Variants in TCF12 observed in about 807,000 individuals in gnomAD.
TCF12 encodes transcription factor 12, also known as DNA-binding protein HTF4.
A neutral mutation model predicts 86.0 loss-of-function variants in TCF12; 45 were observed. That is an observed-to-expected ratio of 0.52 (90% CI 0.41 to 0.67). The LOEUF (loss-of-function observed/expected upper bound fraction) is 0.67. TCF12 is among the 30% of genes least tolerant of loss of function. The pLI, the probability that TCF12 is intolerant of heterozygous loss-of-function variation, is 0.00. For missense variants in TCF12, 881 were observed against 859.9 expected, an observed-to-expected ratio of 1.02 and a Z score of -0.31; for synonymous variants, 330 against 299.6, an observed-to-expected ratio of 1.10 and a Z score of -1.05.
intron 3 of TCF12, among the ~76,000 whole-genome samples, chr15:57,023,939 C>G (rs1228863336): frequency 6.6e-6 from 1 of 152,140 alleles, no homozygotes; most frequent in Admixed American, 6.5e-5. Flanking sequence ...TTGCATAGTT[C>G]ACAACAGGGT....
intron 7 of TCF12, among the ~76,000 whole-genome samples, chr15:57,196,082 T>C (rs2057249397): frequency 6.6e-6 from 1 of 152,010 alleles, no homozygotes; most frequent in Non-Finnish European, 1.5e-5. Flanking sequence ...CCCAGCACTT[T>C]GGGAGGCCGA....
chr15:56,993,092 A>AT (rs377353881), intron 3 of TCF12, among the ~76,000 whole-genome samples: 17 of 150,244 alleles, frequency 1.1e-4, no homozygotes, highest in East Asian at 5.9e-4. Context: ...TGAGTTTACC[A>AT]TTTTTTTTTT....
chr15:57,093,077 C>A (rs1405766081), intron 5 of TCF12, among the ~76,000 whole-genome samples: 1 of 152,142 alleles, frequency 6.6e-6, no homozygotes, highest in Admixed American at 6.6e-5. Context: ...AGTGAAAAAA[C>A]TGACACAAGC....
At chr15:57,244,127 C>T (rs1318698308) in intron 13 of TCF12, among the ~76,000 whole-genome samples, 1 of 152,140 alleles carries the variant, frequency 6.6e-6, no homozygotes, top group Non-Finnish European at 1.5e-5. Flanking sequence ...AATCCTCCCA[C>T]CTTGGCCCCC....
intron 3 of TCF12, among the ~76,000 whole-genome samples, chr15:57,012,765 T>C (rs920003392): frequency 1.1e-4 from 17 of 152,174 alleles, no homozygotes; most frequent in Non-Finnish European, 2.2e-4. Flanking sequence ...GGCAATCTGC[T>C]CAGGCAGCCT....
intron 6 of TCF12, among the ~76,000 whole-genome samples, chr15:57,172,369 A>G (rs2055574892): frequency 6.6e-6 from 1 of 152,218 alleles, no homozygotes. Flanking sequence ...GTAGAACAAA[A>G]TTAACTATCG....
intron 8 of TCF12, chr15:57,219,343 A>G (rs1411160338): frequency 6.4e-6 from 8 of 1,250,242 alleles, no homozygotes; most frequent in Admixed American, 7.8e-5. Flanking sequence ...TACTTACAGC[A>G]TAAACCCTCC....
chr15:57,086,472 T>A (rs1478496139), intron 4 of TCF12, among the ~76,000 whole-genome samples: 2 of 151,688 alleles, frequency 1.3e-5, no homozygotes, highest in Non-Finnish European at 2.9e-5. Flanking sequence ...GCTCCAAAAA[T>A]TTCATGTTTA....
chr15:57,208,699 T>C (rs2057972034), intron 8 of TCF12, among the ~76,000 whole-genome samples: 1 of 151,550 alleles, frequency 6.6e-6, no homozygotes, highest in South Asian at 2.1e-4. Context: ...AAGAAAGAAC[T>C]TAAAAAAAAA....
intron 3 of TCF12, among the ~76,000 whole-genome samples, chr15:56,973,410 T>A (rs1281662842): frequency 6.6e-6 from 1 of 152,156 alleles, no homozygotes; most frequent in African/African-American, 2.4e-5. Context: ...CCCACTGGCC[T>A]TATCTGTGCT....
chr15:57,197,152 C>CTATTTTTTTTT (rs2057305603), intron 7 of TCF12, among the ~76,000 whole-genome samples: 1 of 87,260 alleles, frequency 1.1e-5, no homozygotes, highest in Non-Finnish European at 2.1e-5. Flanking sequence ...AGAACAGCTT[C>CTATTTTTTTTT]TTTTTTTTTT....
intron 6 of TCF12, among the ~76,000 whole-genome samples, chr15:57,182,953 A>T (rs1312379215): frequency 6.6e-6 from 1 of 152,130 alleles, no homozygotes; most frequent in African/African-American, 2.4e-5. Flanking sequence ...GTTACTATGG[A>T]AGTCTTGTTG....
At chr15:56,982,362 A>C (rs2062934999) in intron 3 of TCF12, among the ~76,000 whole-genome samples, 1 of 152,220 alleles carries the variant, frequency 6.6e-6, no homozygotes, top group South Asian at 2.1e-4. Flanking sequence ...AAGGTTGAGA[A>C]TTCTTACGCT....
intron 6 of TCF12, among the ~76,000 whole-genome samples, chr15:57,180,853 C>T (rs867217998): frequency 8.0e-5 from 10 of 124,308 alleles, no homozygotes; most frequent in Admixed American, 2.1e-4. Flanking sequence ...CTCGCTCTGT[C>T]GCCCAGGCTG....
chr15:56,978,480 A>C (rs567152980), intron 3 of TCF12, among the ~76,000 whole-genome samples: 60 of 152,298 alleles, frequency 3.9e-4, no homozygotes, highest in African/African-American at 1.4e-3. Flanking sequence ...ATAGAGAGTT[A>C]CCCAGACAAA....
At chr15:57,039,503 C>T (rs1377844043) in intron 3 of TCF12, among the ~76,000 whole-genome samples, 2 of 152,216 alleles carry the variant, frequency 1.3e-5, no homozygotes, top group Admixed American at 1.3e-4. Flanking sequence ...TCTCCATCTA[C>T]TTCAGCAAAT....
At chr15:57,156,242 TG>T (rs1207917215) in intron 5 of TCF12, among the ~76,000 whole-genome samples, 3 of 152,248 alleles carry the variant, frequency 2.0e-5, no homozygotes, top group African/African-American at 7.2e-5. Context: ...CAGAAGGGTA[TG>T]TCTTATTAAT....
At chr15:57,066,330 T>G (rs1331991081) in intron 4 of TCF12, among the ~76,000 whole-genome samples, 1 of 152,182 alleles carries the variant, frequency 6.6e-6, no homozygotes, top group Non-Finnish European at 1.5e-5. Flanking sequence ...TCTTAAATTC[T>G]TATTTAAGTA....
At chr15:56,940,932 T>A (rs866737441) in intron 3 of TCF12, among the ~76,000 whole-genome samples, 1,966 of 150,162 alleles carry the variant, frequency 0.013, 36 homozygotes, top group African/African-American at 0.045. Flanking sequence ...TTTTTTTTTT[T>A]TCTTTTTGGG....
Sources: gnomAD v4.1 joint callset for allele counts (sites outside exome capture counted in the v4.1 genomes callset) on GRCh38, gnomAD v4.1.1 for gene constraint, MANE v1.5 for transcripts, NCBI Gene and HGNC (gene_info 2026-07-23, HGNC 2026-07-21) for gene names.